SMAP1: variants seen among roughly 807,000 people sequenced by gnomAD.
The protein encoded by SMAP1 is small ArfGAP 1.
Under a neutral mutation model 58.5 loss-of-function variants are expected in SMAP1, and 24 were observed. That is an observed-to-expected ratio of 0.41 (90% confidence interval 0.30 to 0.58). The LOEUF (loss-of-function observed/expected upper bound fraction) is 0.58, where lower values mean the gene tolerates loss of function less well. Among genes scored for constraint, SMAP1 ranks in the 20% least tolerant of loss-of-function variants. The pLI, the probability that SMAP1 is intolerant of heterozygous loss-of-function variation, is 0.29. For missense variants in SMAP1, 563 were observed against 566.3 expected (o/e 0.99, Z 0.06); for synonymous variants, 216 against 196.6 (o/e 1.10, Z -0.82).
intron 4 of SMAP1, among the ~76,000 whole-genome samples, chr6:70,791,322 G>T (rs1768341529): frequency 6.6e-6 from 1 of 152,094 alleles, no homozygotes; most frequent in Non-Finnish European, 1.5e-5. Context: ...TTGGGACAGT[G>T]TGTCTTTACG....
At chr6:70,798,759 T>A in intron 6 of SMAP1, 22 bp downstream of exon 6, 1 of 1,511,182 alleles carries the variant, frequency 6.6e-7, no homozygotes, top group Non-Finnish European at 8.9e-7. Flanking sequence ...TTTTTAAAAA[T>A]AATCTATTAG....
At chr6:70,675,619 A>G (rs1766451217) in intron 1 of SMAP1, among the ~76,000 whole-genome samples, 2 of 151,218 alleles carry the variant, frequency 1.3e-5, no homozygotes, top group Admixed American at 6.6e-5. Flanking sequence ...CCATTGCACT[A>G]TAGCCTGGGC....
rs1767829610 is a variant in SMAP1 at position 70,783,050 on chromosome 6, G to A, written c.415-8639G>A. On this transcript the variant is annotated intron_variant, in intron 4 of 10. Transcript: ENST00000370455. ...AGGCATCCCCTAGTAGGGGCAGACT[G>A]ACACCTCACACGACTGGGTACTCCT... 2.6e-5 allele frequency among the ~76,000 whole-genome samples: 4 copies of A among 152,176 alleles called. 1 individual carries two copies. In the South Asian group the frequency reaches 6.2e-4, roughly 24 times the overall value.
intron 5 of SMAP1, among the ~76,000 whole-genome samples, chr6:70,795,921 A>T (rs140177068): frequency 0.023 from 3,564 of 151,838 alleles, 52 homozygotes; most frequent in Non-Finnish European, 0.037. Flanking sequence ...TATTTTTAAT[A>T]GAGACAGGGT....
At chr6:70,856,125 A>G (rs1771411252) in intron 8 of SMAP1, among the ~76,000 whole-genome samples, 1 of 152,238 alleles carries the variant, frequency 6.6e-6, no homozygotes, top group Non-Finnish European at 1.5e-5. Context: ...AAGTCCATAT[A>G]ACATGTGAAT....
chr6:70,683,948 CA>C (rs1357015007), intron 1 of SMAP1, among the ~76,000 whole-genome samples: 1 of 152,198 alleles, frequency 6.6e-6, no homozygotes, highest in Non-Finnish European at 1.5e-5. Context: ...TTGACCTTCA[CA>C]AAAGATAGCA....
At chr6:70,773,538 C>T (rs549801216) in intron 4 of SMAP1, 113 bp downstream of exon 4, 83 of 594,630 alleles carry the variant, frequency 1.4e-4, no homozygotes, top group African/African-American at 1.4e-3. Flanking sequence ...TATATATTTA[C>T]ATTTGAATAT....
intron 1 of SMAP1, among the ~76,000 whole-genome samples, chr6:70,682,349 C>T (rs961725231): frequency 5.9e-5 from 9 of 151,852 alleles, no homozygotes; most frequent in Admixed American, 3.9e-4. Flanking sequence ...CCACCACGCC[C>T]AGCTAACTTT....
At chr6:70,814,248 G>A (rs12215835) in intron 6 of SMAP1, among the ~76,000 whole-genome samples, 1 of 151,796 alleles carries the variant, frequency 6.6e-6, no homozygotes, top group Non-Finnish European at 1.5e-5. Context: ...GTTGTGGATC[G>A]GAAGAAATAG....
At chr6:70,806,298 G>C (rs750614857) in intron 6 of SMAP1, among the ~76,000 whole-genome samples, 1 of 152,244 alleles carries the variant, frequency 6.6e-6, no homozygotes, top group Non-Finnish European at 1.5e-5. Context: ...CTCTGTGAGC[G>C]TGGGACCTGC....
chr6:70,731,331 A>G (rs531191429), intron 1 of SMAP1, among the ~76,000 whole-genome samples: 1 of 152,350 alleles, frequency 6.6e-6, no homozygotes, highest in Non-Finnish European at 1.5e-5. Context: ...TTGTACAGCT[A>G]AGACTTGTAT....
At chr6:70,773,163 G>T in intron 3 of SMAP1, 187 bp from the exon 4 acceptor site, 1 of 450,650 alleles carries the variant, frequency 2.2e-6, no homozygotes. Context: ...TTTCCTGAAA[G>T]AGGTAGACTT....
chr6:70,754,940 A>G, intron 2 of SMAP1, 40 bp from the exon 3 acceptor site: 1 of 1,312,208 alleles, frequency 7.6e-7, no homozygotes, highest in Non-Finnish European at 1.1e-6. Flanking sequence ...ATCACTTTTT[A>G]ATGTTTATGT....
intron 1 of SMAP1, among the ~76,000 whole-genome samples, chr6:70,728,053 G>A (rs1476585692): frequency 1.3e-5 from 2 of 152,032 alleles, no homozygotes. Flanking sequence ...AATAGAGTGA[G>A]ACCCTGTCTC....
intron 6 of SMAP1, among the ~76,000 whole-genome samples, chr6:70,810,410 A>G (rs1460263657): frequency 2.0e-5 from 3 of 152,230 alleles, no homozygotes; most frequent in African/African-American, 7.2e-5. Context: ...CAAGAAGAAA[A>G]AATTAATGTT....
chr6:70,831,509 G>A lies in SMAP1; in HGVS notation c.577-5432G>A, dbSNP rs561124810. 2.0e-5 allele frequency among the ~76,000 whole-genome samples: 3 copies of A among 152,226 alleles called. No individual in the cohort carries two copies. In the South Asian group the frequency reaches 6.2e-4, roughly 32 times the overall value. Reference sequence around the variant, plus strand: ...GTTTAGCTCCCACCTATAAGTGAGAGCGTGCAGTATTTAATTTTCTGTTTT... The same window carrying A: ...GTTTAGCTCCCACCTATAAGTGAGAACGTGCAGTATTTAATTTTCTGTTTT... On this transcript the variant is annotated intron_variant, in intron 6 of 10. Transcript: ENST00000370455.
intron 2 of SMAP1, among the ~76,000 whole-genome samples, chr6:70,739,138 C>G (rs187328177): frequency 6.6e-6 from 1 of 152,192 alleles, no homozygotes; most frequent in Non-Finnish European, 1.5e-5. Flanking sequence ...TTACTTAGAG[C>G]GGATTCCAAG....
intron 10 of SMAP1, chr6:70,859,014 T>G (rs934919744): frequency 5.0e-6 from 1 of 198,972 alleles, no homozygotes; most frequent in Non-Finnish European, 1.0e-5. Context: ...CTCTTCTTCC[T>G]TTTACACTTC....
intron 1 of SMAP1, among the ~76,000 whole-genome samples, chr6:70,695,698 G>A (rs183020158): frequency 1.1e-4 from 16 of 152,240 alleles, no homozygotes; most frequent in African/African-American, 3.9e-4. Flanking sequence ...GTATTTTGTT[G>A]AGGATTTTTG....
Sources: allele counts gnomAD v4.1 joint callset (sites outside exome capture counted in the v4.1 genomes callset), GRCh38; gene constraint gnomAD v4.1.1; transcripts MANE v1.5; gene names NCBI Gene and HGNC (gene_info 2026-07-23, HGNC 2026-07-21).